Variants in FYN observed in about 807,000 individuals in gnomAD.
The protein encoded by FYN is tyrosine-protein kinase Fyn.
In FYN, 10 loss-of-function variants were observed where a neutral mutation model predicts 70.2. That is an observed-to-expected ratio of 0.14 (90% CI 0.09 to 0.24). FYN has a LOEUF of 0.24. Among genes scored for constraint, FYN ranks in the 10% least tolerant of loss-of-function variants. The pLI, the probability that FYN is intolerant of heterozygous loss-of-function variation, is 1.00. For missense variants in FYN, 319 were observed against 673.1 expected (o/e 0.47, Z 5.82); for synonymous variants, 236 against 248.6 (o/e 0.95, Z 0.48).
At chr6:111,782,804 G>A (rs1771224173) in intron 2 of FYN, among the ~76,000 whole-genome samples, 1 of 152,162 alleles carries the variant, frequency 6.6e-6, no homozygotes, top group African/African-American at 2.4e-5. Flanking sequence ...GTGAGGCCAG[G>A]TACAGTTGCT....
At position 111,823,696 on chromosome 6, in the gene FYN, C is replaced by G. The variant is rs117812039; in HGVS notation, c.-82+22893G>C. Among the ~76,000 whole-genome samples the G allele has an allele frequency of 2.6e-5, 4 of 152,192 alleles. No homozygotes were observed. The East Asian group carries it at 7.7e-4, about 29-fold the overall frequency. Reference sequence around the variant, plus strand: ...TCTGCTAATAAACATTTAATCCAAGCTCTTGTATCATGCTAACATAACAGA... The same window carrying G: ...TCTGCTAATAAACATTTAATCCAAGGTCTTGTATCATGCTAACATAACAGA... On this transcript the variant is annotated intron_variant, in intron 2 of 13. Coordinates refer to ENST00000354650, the MANE Select transcript of FYN (RefSeq NM_002037.5).
At chr6:111,812,968 A>G (rs1192979760) in intron 2 of FYN, among the ~76,000 whole-genome samples, 1 of 152,166 alleles carries the variant, frequency 6.6e-6, no homozygotes, top group Non-Finnish European at 1.5e-5. Flanking sequence ...TCATGTACAC[A>G]TTGAAATCGC....
chr6:111,853,154 T>C (rs1299580011), intron 1 of FYN, among the ~76,000 whole-genome samples: 3 of 152,172 alleles, frequency 2.0e-5, no homozygotes, highest in Non-Finnish European at 2.9e-5. Context: ...TTCCCTAGAA[T>C]TCATACTTCC....
chr6:111,683,658 G>A (rs1798867050), intron 12 of FYN, among the ~76,000 whole-genome samples: 1 of 151,760 alleles, frequency 6.6e-6, no homozygotes, highest in African/African-American at 2.4e-5. Context: ...CACTAACTCT[G>A]CAAATTATTA....
At chr6:111,719,346 AG>A (rs1386598103) in intron 4 of FYN, among the ~76,000 whole-genome samples, 3 of 151,780 alleles carry the variant, frequency 2.0e-5, no homozygotes, top group African/African-American at 7.2e-5. Flanking sequence ...GCTGAGGATT[AG>A]GAAGAAGTGA....
intron 1 of FYN, among the ~76,000 whole-genome samples, chr6:111,848,559 C>T (rs1773596100): frequency 6.6e-6 from 1 of 152,166 alleles, no homozygotes; most frequent in South Asian, 2.1e-4. Context: ...ATGGAGTTAA[C>T]TAACAAAAAC....
intron 2 of FYN, among the ~76,000 whole-genome samples, chr6:111,783,063 A>G (rs1771234867): frequency 6.6e-6 from 1 of 152,212 alleles, no homozygotes; most frequent in South Asian, 2.1e-4. Context: ...GTCCAGCCTC[A>G]GCGTGGACAC....
At chr6:111,804,886 CTG>C (rs985852547) in intron 2 of FYN, among the ~76,000 whole-genome samples, 2 of 152,214 alleles carry the variant, frequency 1.3e-5, no homozygotes, top group South Asian at 4.1e-4. Context: ...GTCATTTCTC[CTG>C]TGATTTGAGT....
chr6:111,869,735 C>A (rs974603239), intron 1 of FYN, among the ~76,000 whole-genome samples: 2 of 152,072 alleles, frequency 1.3e-5, no homozygotes, highest in Non-Finnish European at 2.9e-5. Flanking sequence ...CTTTGGGAGT[C>A]TACAGAATGA....
At chr6:111,713,149 T>C (rs1270004696) in intron 5 of FYN, among the ~76,000 whole-genome samples, 1 of 152,196 alleles carries the variant, frequency 6.6e-6, no homozygotes, top group Non-Finnish European at 1.5e-5. Context: ...AGTATTCAGT[T>C]CTTGCTGTTG....
intron 2 of FYN, among the ~76,000 whole-genome samples, chr6:111,842,753 C>G (rs1223026889): frequency 6.6e-6 from 1 of 152,182 alleles, no homozygotes; most frequent in East Asian, 1.9e-4. Context: ...ATTTCTAACC[C>G]TCGATTACTT....
intron 2 of FYN, among the ~76,000 whole-genome samples, chr6:111,845,358 T>C (rs976394915): frequency 2.0e-5 from 3 of 152,214 alleles, no homozygotes; most frequent in African/African-American, 7.2e-5. Context: ...CCTGAGTGCA[T>C]GCGGATTCTA....
chr6:111,672,768 G>C (rs1462161301), intron 13 of FYN, among the ~76,000 whole-genome samples: 2 of 152,036 alleles, frequency 1.3e-5, no homozygotes, highest in East Asian at 3.8e-4. Flanking sequence ...CTCCCCGATA[G>C]AGGAAAATGC....
chr6:111,730,822 T>C (rs1801414462), intron 3 of FYN, among the ~76,000 whole-genome samples: 1 of 151,962 alleles, frequency 6.6e-6, no homozygotes. Context: ...CTTACCCTCA[T>C]TCTATAAAAA....
At chr6:111,724,167 G>A (rs1259298288) in intron 3 of FYN, among the ~76,000 whole-genome samples, 1 of 152,128 alleles carries the variant, frequency 6.6e-6, no homozygotes, top group African/African-American at 2.4e-5. Flanking sequence ...TAAGCAACCT[G>A]GGAAGAATTG....
intron 2 of FYN, among the ~76,000 whole-genome samples, chr6:111,824,454 T>A (rs999190746): frequency 6.6e-6 from 1 of 152,212 alleles, no homozygotes; most frequent in African/African-American, 2.4e-5. Flanking sequence ...GGAGAAAGCC[T>A]TGACACCATC....
chr6:111,697,359 A>G (rs1047390824), intron 9 of FYN, among the ~76,000 whole-genome samples: 1 of 152,208 alleles, frequency 6.6e-6, no homozygotes. Context: ...GCTTAAGAAT[A>G]ACTTTATAAA....
In FYN at chr6:111,697,259, G is replaced by A. The variant is rs75837908; in HGVS notation, c.863-803C>T. Among the ~76,000 whole-genome samples the A allele has an allele frequency of 1.3e-3, 203 of 151,180 alleles. 5 individuals are homozygous for A. In the East Asian group the frequency reaches 0.029, roughly 22 times the overall value. ...ATCTGTAAAATATAGGAATGGAACT[G>A]GATTATCTTTTGGGTCTCTTTCAGC... On this transcript the variant is annotated intron_variant, in intron 9 of 13. Coordinates refer to ENST00000354650, the MANE Select transcript of FYN (RefSeq NM_002037.5).
intron 2 of FYN, among the ~76,000 whole-genome samples, chr6:111,792,755 C>T (rs9487717): frequency 0.15 from 23,403 of 152,142 alleles, 2,670 homozygotes; most frequent in African/African-American, 0.33. Context: ...GCAGCTTGAC[C>T]TCTGCCATCT....
Sources: allele counts gnomAD v4.1 joint callset (sites outside exome capture counted in the v4.1 genomes callset), GRCh38; gene constraint gnomAD v4.1.1; transcripts MANE v1.5; gene names NCBI Gene and HGNC (gene_info 2026-07-23, HGNC 2026-07-21).